Variants in PLEKHG2 observed in about 807,000 individuals in gnomAD.
PLEKHG2 encodes the protein pleckstrin homology and RhoGEF domain containing G2, also known as pleckstrin homology domain-containing family G member 2.
A neutral mutation model predicts 104.4 loss-of-function variants in PLEKHG2; 71 were observed. The ratio of observed to expected loss-of-function variants is 0.68; its 90% CI spans 0.56 to 0.83. The LOEUF is 0.83. Among genes scored for constraint, PLEKHG2 ranks in the 40% least tolerant of loss-of-function variants. The probability of loss-of-function intolerance (pLI) is 0.00; values close to 1 mark genes in which losing one functional copy is unlikely to be tolerated. For synonymous variants in PLEKHG2, 728 were observed against 737.0 expected (o/e 0.99, Z 0.20); for missense variants, 1,730 against 1,809.4 (o/e 0.96, Z 0.80).
Position 39,418,815 on chromosome 19 carries a change from C to T in PLEKHG2, c.1165C>T (p.His389Tyr). 6.2e-7 allele frequency: 1 copy of T among 1,609,446 alleles called. No individual in the cohort carries two copies. The highest frequency in any genetic ancestry group is 1.1e-5 in the South Asian group (1 of 90,924). Residue 389 changes from histidine to tyrosine, a missense_variant, in exon 10 of 19, where the codon CAC becomes TAC. His to Tyr is a moderately conservative substitution (Grantham distance 83, BLOSUM62 2). Coordinates refer to ENST00000425673, the MANE Select transcript of PLEKHG2 (RefSeq NM_022835.3). ...VSDLTIPKHR[H>Y]LLQAKNQEEK... is the part of the protein sequence containing the mutation. Reference sequence around the variant, plus strand: ...TGATCTGACCATTCCCAAGCACAGACACCTGCTCCAGGTGAGCATGTAGTG... The same window carrying T: ...TGATCTGACCATTCCCAAGCACAGATACCTGCTCCAGGTGAGCATGTAGTG...
chr19:39,425,475 G>A lies in PLEKHG2; in HGVS notation c.*181G>A, dbSNP rs374274383. Reference sequence around the variant, plus strand: ...TGATCCACAGGGATGGGGAAGGGAGGAATGTCATTAATGTTTTGTTAATAC... The same window carrying A: ...TGATCCACAGGGATGGGGAAGGGAGAAATGTCATTAATGTTTTGTTAATAC... On this transcript the variant is annotated 3_prime_UTR_variant, in exon 19 of 19. Coordinates refer to ENST00000425673, the MANE Select transcript of PLEKHG2 (RefSeq NM_022835.3). 1.4e-6 allele frequency: 1 copy of A among 694,770 alleles called. No homozygotes were observed. Among genetic ancestry groups the A allele is most frequent in the Non-Finnish European group, 2.1e-6 (1 of 478,694 alleles). 43.0% of individuals were successfully genotyped at this position (694,770 alleles called of 1,614,324 possible).
rs770436349 is a variant in PLEKHG2, at chr19:39,414,093, G to A, written c.7G>A (p.Glu3Lys). Residue 3 changes from glutamate (E) to lysine (K), a missense_variant, in exon 2 of 19, where the codon GAG becomes AAG. Transcript: ENST00000425673. MP[E>K]GAQGLSLSKP... ...TCTGCTGGGCCGCTCAGCCATGCCT[G>A]AGGGAGCCCAAGGACTGAGCCTCTC... 2.6e-6 allele frequency: 4 copies of A among 1,551,334 alleles called. No individual in the cohort carries two copies.
chr19:39,425,483 T>C lies in PLEKHG2; in HGVS notation c.*189T>C. 1 of 924,662 alleles carries C rather than the reference T, an allele frequency of 1.1e-6. No individual in the cohort carries two copies. Among genetic ancestry groups the C allele is most frequent in the Non-Finnish European group, 1.5e-6 (1 of 657,774 alleles). 57.3% of individuals were successfully genotyped at this position (924,662 alleles called of 1,614,324 possible). On this transcript the variant is annotated 3_prime_UTR_variant, in exon 19 of 19. Transcript: ENST00000425673. Reference sequence around the variant, plus strand: ...AGGGATGGGGAAGGGAGGAATGTCATTAATGTTTTGTTAATACTGATTCTT... The same window carrying C: ...AGGGATGGGGAAGGGAGGAATGTCACTAATGTTTTGTTAATACTGATTCTT...
At position 39,417,657 on chromosome 19, in the gene PLEKHG2, A is replaced by T; in HGVS notation, c.847A>T (p.Met283Leu). ...AGCGGTTGCCTGGTACATCAACGAC[A>T]TGAAGCGCAAGCAGGAGCATGCAGC... ...MTAVAWYIND[M>L]KRKQEHAARL... The change falls in exon 8 of 19, where the codon ATG becomes TTG. Residue 283 changes from methionine to leucine, a missense_variant. Transcript: ENST00000425673. 1 of 1,605,040 alleles carries T rather than the reference A, an allele frequency of 6.2e-7. No individual in the cohort carries two copies.
intron 15 of PLEKHG2, 34 bp downstream of exon 15, chr19:39,421,147 C>T (rs2078693817): frequency 6.2e-7 from 1 of 1,614,108 alleles, no homozygotes; most frequent in Non-Finnish European, 8.5e-7. Flanking sequence ...CTGGTCCATC[C>T]CTGTCTGTCG....
chr19:39,422,256 C>A lies in PLEKHG2; in HGVS notation c.1645C>A (p.Leu549Met). ...CTCAATCACTGAAGAAATCCTGGAA[C>A]TGCTGAATCAGCGAGGCCTTCGAGA... is the stretch of plus-strand genomic sequence containing the variant. ...GTSITEEILE[L>M]LNQRGLRDPG... is the part of the protein sequence containing the mutation. Residue 549 changes from leucine to methionine, a missense_variant, in exon 17 of 19, where the codon CTG becomes ATG. Coordinates refer to ENST00000425673, the MANE Select transcript of PLEKHG2 (RefSeq NM_022835.3). The A allele has an allele frequency of 6.2e-7, 1 of 1,613,498 alleles. No homozygotes were observed. The highest frequency in any genetic ancestry group is 2.2e-5 in the East Asian group (1 of 44,860).
rs760573917 is a variant in PLEKHG2, at chr19:39,418,785, G to A, written c.1135G>A (p.Val379Met). Residue 379 changes from valine (V) to methionine (M), a missense_variant, in exon 10 of 19, where the codon GTG (valine) becomes ATG (methionine). Physicochemically the swap from Val to Met is conservative, Grantham distance 21. Coordinates refer to ENST00000425673, the MANE Select transcript of PLEKHG2 (RefSeq NM_022835.3). ...TCCCCGAGACCCTCTAGGGTTCAAG[G>A]TGTCTGATCTGACCATTCCCAAGCA... ...ESPRDPLGFK[V>M]SDLTIPKHRH... The A allele has an allele frequency of 6.2e-7, 1 of 1,612,888 alleles. No individual in the cohort carries two copies. Among genetic ancestry groups the A allele is most frequent in the East Asian group, 2.2e-5 (1 of 44,828 alleles).
In PLEKHG2 at chr19:39,415,539, C is replaced by T. The variant is rs556165241; in HGVS notation, c.479+100C>T. The T allele has an allele frequency of 1.8e-5, 24 of 1,323,596 alleles. No homozygotes were observed. The highest frequency in any genetic ancestry group is 9.5e-5 in the South Asian group (7 of 73,628). 82.0% of individuals were successfully genotyped at this position (1,323,596 alleles called of 1,614,324 possible). A position where few individuals can be genotyped will look rare whatever the true frequency, so the allele number is the denominator to read the frequency against. Reference sequence around the variant, plus strand: ...TCGTAGTGTCCTGTCCAGGCTGGTACGTGGGGTTGTGACATTGGGCAAGGA... The same window carrying T: ...TCGTAGTGTCCTGTCCAGGCTGGTATGTGGGGTTGTGACATTGGGCAAGGA... On this transcript the variant is annotated intron_variant, in intron 4 of 18. Transcript: ENST00000425673. The surrounding 1 kb of genome is among the most constrained non-coding windows in gnomAD (Gnocchi z 4.6).
In PLEKHG2 at chr19:39,415,570, G is replaced by A. The variant is rs964438699; in HGVS notation, c.479+131G>A. 4 of 1,054,628 alleles carry A rather than the reference G, an allele frequency of 3.8e-6. No homozygotes were observed. The highest frequency in any genetic ancestry group is 4.5e-5 in the Admixed American group (2 of 44,416). The allele number at this position is 1,054,628 out of a possible 1,614,324, so 65.3% of individuals were successfully genotyped here. A position where few individuals can be genotyped will look rare whatever the true frequency, so the allele number is the denominator to read the frequency against. On this transcript the variant is annotated intron_variant, in intron 4 of 18. Coordinates refer to ENST00000425673, the MANE Select transcript of PLEKHG2 (RefSeq NM_022835.3). The surrounding 1 kb of genome is among the most constrained non-coding windows in gnomAD (Gnocchi z 4.6). ...GTTGTGACATTGGGCAAGGATCAGGGATCACGACTGGGAGGGAGGACCCCG... is the reference window on the plus strand; with the variant it reads ...GTTGTGACATTGGGCAAGGATCAGGAATCACGACTGGGAGGGAGGACCCCG...
At chr19:39,421,254 TTC>T (rs773673039) in intron 15 of PLEKHG2, 27 bp from the exon 16 acceptor site, 15 of 1,612,768 alleles carry the variant, frequency 9.3e-6, no homozygotes, top group Non-Finnish European at 1.3e-5. Context: ...TCACTAATGC[TTC>T]TCTCTCTCTC....
In PLEKHG2 at chr19:39,415,539, C is replaced by A; in HGVS notation, c.479+100C>A. 2 of 1,323,710 alleles carry A rather than the reference C, an allele frequency of 1.5e-6. No homozygotes were observed. Among genetic ancestry groups the A allele is most frequent in the Non-Finnish European group, 2.1e-6 (2 of 955,044 alleles). The allele number at this position is 1,323,710 out of a possible 1,614,324, so 82.0% of individuals were successfully genotyped here. ...TCGTAGTGTCCTGTCCAGGCTGGTA[C>A]GTGGGGTTGTGACATTGGGCAAGGA... is the stretch of plus-strand genomic sequence containing the variant. On this transcript the variant is annotated intron_variant, in intron 4 of 18. Transcript: ENST00000425673. This position sits in a 1 kb window ranked among gnomAD's most constrained non-coding sequence, Gnocchi z 4.6.
Position 39,423,141 on chromosome 19 carries a change from A to C in PLEKHG2, c.2087A>C (p.Gln696Pro), listed in dbSNP as rs1453527133. 1.9e-6 allele frequency: 3 copies of C among 1,613,744 alleles called. No homozygotes were observed. The highest frequency in any genetic ancestry group is 2.5e-6 in the Non-Finnish European group (3 of 1,179,794). ...ACCCTCTCCTGTGACTCCTGGCTCC[A>C]AGGGCCTCTGCAGGAACCAGCTGAG... Reference protein sequence around the residue: ...TPTLSCDSWLQGPLQEPAEAP... With the variant: ...TPTLSCDSWLPGPLQEPAEAP... Residue 696 changes from glutamine (Q) to proline (P), a missense_variant, in exon 18 of 19, where the codon CAA (glutamine) becomes CCA (proline). Gln to Pro is a moderately conservative substitution (Grantham distance 76). Transcript: ENST00000425673.
At position 39,418,008 on chromosome 19, in the gene PLEKHG2, G is replaced by C. The variant is rs1279441335; in HGVS notation, c.986G>C (p.Arg329Pro). 1.3e-6 allele frequency: 2 copies of C among 1,560,712 alleles called. No individual in the cohort carries two copies. Among genetic ancestry groups the C allele is most frequent in the African/African-American group, 2.7e-5 (2 of 73,434 alleles). ...CGAGGAGGCGGAGGGGGTGGCCCCC[G>C]GCTACGAGGGGGTGAGCGGCTGCTC... ...AFRGGGGGGPRLRGGERLLFL... is the reference protein window; with the variant it reads ...AFRGGGGGGPPLRGGERLLFL... The change falls in exon 9 of 19, where the codon CGG becomes CCG. Residue 329 changes from arginine (R) to proline (P), a missense_variant. Coordinates refer to ENST00000425673, the MANE Select transcript of PLEKHG2 (RefSeq NM_022835.3).
chr19:39,418,341 G>A (rs2078642050), intron 9 of PLEKHG2, among the ~76,000 whole-genome samples: 1 of 152,144 alleles, frequency 6.6e-6, no homozygotes, highest in African/African-American at 2.4e-5. Context: ...CACTTTGGGA[G>A]GTCAAGGCGG....
rs1279204049 is a variant in PLEKHG2 at position 39,422,216 on chromosome 19, G to T, written c.1605G>T (p.Leu535=). Residue 535 remains leucine, a synonymous_variant, in exon 17 of 19, where the codon CTG becomes CTT. Coordinates refer to ENST00000425673, the MANE Select transcript of PLEKHG2 (RefSeq NM_022835.3). ...EDLEDAGPPT[L]DPSGTSITEE... is the part of the protein sequence containing the mutation. ...TGGAGGATGCTGGACCCCCAACACT[G>T]GACCCCTCTGGGACCTCAATCACTG... 6.2e-7 allele frequency: 1 copy of T among 1,613,802 alleles called. No homozygotes were observed. Among genetic ancestry groups the T allele is most frequent in the Non-Finnish European group, 8.5e-7 (1 of 1,179,918 alleles).
rs1475598963 is a variant in PLEKHG2 at position 39,416,490 on chromosome 19, T to C, written c.547-61T>C. On this transcript the variant is annotated intron_variant, in intron 5 of 18. Coordinates refer to ENST00000425673, the MANE Select transcript of PLEKHG2 (RefSeq NM_022835.3). This position sits in a 1 kb window ranked among gnomAD's most constrained non-coding sequence, Gnocchi z 4.5. ...GGGGGAGAGCAGGCTTGGGCTAGGC[T>C]GGAAGGGGGGTCGTGGGAAGCCAGG... 4 of 1,564,168 alleles carry C rather than the reference T, an allele frequency of 2.6e-6. No individual in the cohort carries two copies. The Admixed American group carries it at 6.7e-5, about 26-fold the overall frequency.
At chr19:39,417,136 AC>A (rs2078619000) in intron 7 of PLEKHG2, 136 bp downstream of exon 7, 1 of 1,028,082 alleles carries the variant, frequency 9.7e-7, no homozygotes, top group Non-Finnish European at 1.4e-6. Context: ...GGCGTGAGCC[AC>A]CGCGCACAGC....
rs377159693 is a variant in PLEKHG2, at chr19:39,423,231, C to T, written c.2177C>T (p.Ser726Leu). 3.7e-6 allele frequency: 6 copies of T among 1,613,480 alleles called. No homozygotes were observed. Among genetic ancestry groups the T allele is most frequent in the Non-Finnish European group, 5.1e-6 (6 of 1,179,436 alleles). Residue 726 changes from serine (S) to leucine (L), a missense_variant, in exon 18 of 19, where the codon TCA (serine) becomes TTA (leucine). Ser to Leu is a moderately radical substitution (Grantham distance 145). Coordinates refer to ENST00000425673, the MANE Select transcript of PLEKHG2 (RefSeq NM_022835.3). ...CCTGGGAAACTGGGAGAGCCGCCTT[C>T]AGGAGGCAAGGCAGGGCCAGAGGAG... ...SNPGKLGEPP[S>L]GGKAGPEEDE...
intron 7 of PLEKHG2, 139 bp downstream of exon 7, chr19:39,417,139 G>A (rs1326892695): frequency 7.9e-6 from 8 of 1,010,160 alleles, no homozygotes; most frequent in Middle Eastern, 2.3e-4. Flanking sequence ...GTGAGCCACC[G>A]CGCACAGCCC....
Sources: allele counts gnomAD v4.1 joint callset (sites outside exome capture counted in the v4.1 genomes callset), GRCh38; gene constraint gnomAD v4.1.1; non-coding constraint Gnocchi (gnomAD v3.1); transcripts MANE v1.5; gene names NCBI Gene and HGNC (gene_info 2026-07-23, HGNC 2026-07-21).